THSD7A: variants seen among roughly 807,000 people sequenced by gnomAD.
THSD7A encodes the protein thrombospondin type 1 domain containing 7A, also known as thrombospondin type-1 domain-containing protein 7A.
In THSD7A, 96 loss-of-function variants were observed where a neutral mutation model predicts 231.3. That is an observed-to-expected ratio of 0.41 (90% CI 0.35 to 0.49). THSD7A has a LOEUF of 0.49. Among genes scored for constraint, THSD7A ranks in the 20% least tolerant of loss-of-function variants. The pLI is 0.05. For synonymous variants in THSD7A, 940 were observed against 743.3 expected, an observed-to-expected ratio of 1.26 and a Z score of -4.30; for missense variants, 2,290 against 2,070.2, an observed-to-expected ratio of 1.11 and a Z score of -2.06.
rs1391385876 is a variant in THSD7A at position 11,446,740 on chromosome 7, C to G, written c.2801-416G>C. On this transcript the variant is annotated intron_variant, in intron 12 of 27. Coordinates refer to ENST00000423059, the MANE Select transcript of THSD7A (RefSeq NM_015204.3). This position sits in a 1 kb window ranked among gnomAD's most constrained non-coding sequence, Gnocchi z 4.0. ...GCCATTGGCAATATTTCAAATGCACCAAGCTTTAGTTCAGAGTGATGGATC... is the reference window on the plus strand; with the variant it reads ...GCCATTGGCAATATTTCAAATGCACGAAGCTTTAGTTCAGAGTGATGGATC... 6.6e-6 allele frequency among the ~76,000 whole-genome samples: 1 copy of G among 152,050 alleles called. No individual in the cohort carries two copies. The highest frequency in any genetic ancestry group is 6.6e-5 in the Admixed American group (1 of 15,252).
intron 1 of THSD7A, among the ~76,000 whole-genome samples, chr7:11,785,140 C>G (rs1253618865): frequency 6.6e-6 from 1 of 152,152 alleles, no homozygotes; most frequent in Non-Finnish European, 1.5e-5. Flanking sequence ...TACTAAATTT[C>G]TAAACACACC....
chr7:11,674,656 C>T (rs984625883), intron 1 of THSD7A, among the ~76,000 whole-genome samples: 1 of 152,140 alleles, frequency 6.6e-6, no homozygotes, highest in Non-Finnish European at 1.5e-5. Context: ...CATAATCATA[C>T]TCACAAGGGA....
intron 1 of THSD7A, among the ~76,000 whole-genome samples, chr7:11,822,845 G>A (rs1332996069): frequency 6.6e-6 from 1 of 151,890 alleles, no homozygotes; most frequent in Non-Finnish European, 1.5e-5. Flanking sequence ...GTATACTCTA[G>A]ATATTAGTCT....
intron 2 of THSD7A, among the ~76,000 whole-genome samples, chr7:11,610,322 T>G (rs1780880124): frequency 6.6e-6 from 1 of 152,144 alleles, no homozygotes; most frequent in Admixed American, 6.6e-5. Flanking sequence ...CTTATTCACT[T>G]GTTTATTTTG....
At chr7:11,487,556 C>G (rs1420430643) in intron 6 of THSD7A, among the ~76,000 whole-genome samples, 3 of 151,904 alleles carry the variant, frequency 2.0e-5, no homozygotes, top group Non-Finnish European at 4.4e-5. Flanking sequence ...TTTCATGCTG[C>G]TAATCAAGAT....
intron 2 of THSD7A, among the ~76,000 whole-genome samples, chr7:11,611,929 C>T (rs944197541): frequency 4.6e-5 from 7 of 151,844 alleles, no homozygotes; most frequent in African/African-American, 1.7e-4. Context: ...GTAACTGAGA[C>T]CCAGAAATAT....
At chr7:11,727,217 G>A (rs13311868) in intron 1 of THSD7A, among the ~76,000 whole-genome samples, 52,607 of 151,728 alleles carry the variant, frequency 0.35, 10,519 homozygotes, top group Admixed American at 0.47. Flanking sequence ...TGAGATTCTT[G>A]CCAGTATCAC....
intron 1 of THSD7A, among the ~76,000 whole-genome samples, chr7:11,803,903 C>T (rs1784338935): frequency 6.6e-6 from 1 of 152,046 alleles, no homozygotes; most frequent in South Asian, 2.1e-4. Flanking sequence ...TATCACACAT[C>T]ACACAGTATA....
chr7:11,552,854 T>C (rs547583025), intron 4 of THSD7A, among the ~76,000 whole-genome samples: 1 of 152,196 alleles, frequency 6.6e-6, no homozygotes, highest in African/African-American at 2.4e-5. Context: ...GTAAACATCA[T>C]ACCTAATCAA....
rs944503177 is a variant in THSD7A at position 11,637,422 on chromosome 7, G to A, written c.191-461C>T. ...GACAGTTAACTATTTTGTGGAACTT[G>A]CTCTCTTCTTCAACATATTTTATTT... On this transcript the variant is annotated intron_variant, in intron 1 of 27. Transcript: ENST00000423059. This position sits in a 1 kb window ranked among gnomAD's most constrained non-coding sequence, Gnocchi z 4.2. Among the ~76,000 whole-genome samples, 6 of 152,134 alleles carry A rather than the reference G, an allele frequency of 3.9e-5. No homozygotes were observed. The highest frequency in any genetic ancestry group is 1.4e-4 in the African/African-American group (6 of 41,424).
chr7:11,462,844 C>A (rs958556378), intron 9 of THSD7A, among the ~76,000 whole-genome samples: 2 of 152,064 alleles, frequency 1.3e-5, no homozygotes, highest in African/African-American at 4.8e-5. Flanking sequence ...GATACACTTT[C>A]AATAAAGACA....
At chr7:11,742,416 T>C (rs1024819539) in intron 1 of THSD7A, among the ~76,000 whole-genome samples, 6 of 151,840 alleles carry the variant, frequency 4.0e-5, no homozygotes, top group Non-Finnish European at 7.4e-5. Flanking sequence ...TAGAGGACAA[T>C]AACTTGACAA....
chr7:11,450,454 A>G (rs571781159), intron 11 of THSD7A, among the ~76,000 whole-genome samples: 4 of 152,204 alleles, frequency 2.6e-5, no homozygotes, highest in Admixed American at 1.3e-4. Context: ...CAGCAACAGC[A>G]CAATCTGTAC....
At chr7:11,650,631 T>C (rs888437563) in intron 1 of THSD7A, among the ~76,000 whole-genome samples, 2 of 151,960 alleles carry the variant, frequency 1.3e-5, no homozygotes, top group Non-Finnish European at 2.9e-5. Context: ...AGAGAAGCCC[T>C]GGAAAAGTAG....
intron 24 of THSD7A, among the ~76,000 whole-genome samples, chr7:11,380,905 C>A (rs1782487495): frequency 6.6e-6 from 1 of 152,036 alleles, no homozygotes. Flanking sequence ...ATAGGTAAGT[C>A]TTTTAAAATT....
chr7:11,718,146 C>T (rs1356974844), intron 1 of THSD7A, among the ~76,000 whole-genome samples: 1 of 151,630 alleles, frequency 6.6e-6, no homozygotes, highest in African/African-American at 2.4e-5. Flanking sequence ...CTCTTGAGAA[C>T]AAGTTAACTT....
Position 11,636,889 on chromosome 7 carries a change from T to G in THSD7A, c.263A>C (p.His88Pro). Reference protein sequence around the residue: ...GIQTRAVWCAHVEGWTTLHTN... With the variant: ...GIQTRAVWCAPVEGWTTLHTN... ...ATGCAGTGTAGTCCATCCCTCCACA[T>G]GAGCACACCACACAGCCCTCGTTTG... Residue 88 changes from histidine to proline, a missense_variant, in exon 2 of 28, where the codon CAT becomes CCT. His to Pro is a moderately conservative substitution (Grantham distance 77). Transcript: ENST00000423059. This position sits in a 1 kb window ranked among gnomAD's most constrained non-coding sequence, Gnocchi z 10.0. 3 of 1,613,882 alleles carry G rather than the reference T, an allele frequency of 1.9e-6. No individual in the cohort carries two copies. The highest frequency in any genetic ancestry group is 2.5e-6 in the Non-Finnish European group (3 of 1,179,884).
intron 1 of THSD7A, among the ~76,000 whole-genome samples, chr7:11,819,982 T>G (rs778075231): frequency 1.2e-4 from 19 of 152,174 alleles, no homozygotes; most frequent in Non-Finnish European, 1.9e-4. Flanking sequence ...AAAAAGTCTA[T>G]TAAAAATAAA....
intron 14 of THSD7A, among the ~76,000 whole-genome samples, chr7:11,428,318 T>C (rs1443055088): frequency 6.6e-6 from 1 of 152,150 alleles, no homozygotes; most frequent in African/African-American, 2.4e-5. Context: ...CCATTAGGCT[T>C]TTTCTTTTTA....
Sources: allele counts gnomAD v4.1 joint callset (sites outside exome capture counted in the v4.1 genomes callset), GRCh38; gene constraint gnomAD v4.1.1; non-coding constraint Gnocchi (gnomAD v3.1); transcripts MANE v1.5; gene names NCBI Gene and HGNC (gene_info 2026-07-23, HGNC 2026-07-21).